CAV3: variants seen among roughly 807,000 people sequenced by gnomAD.
CAV3 encodes the protein caveolin 3.
Under a neutral mutation model 13.4 loss-of-function variants are expected in CAV3, and 10 were observed. The ratio of observed to expected loss-of-function variants is 0.75; its 90% CI spans 0.46 to 1.27. CAV3 has a LOEUF of 1.27. CAV3 is among the 50% of genes most tolerant of loss of function. The pLI is 0.00. For synonymous variants in CAV3, 90 were observed against 79.0 expected (o/e 1.14, Z -0.74); for missense variants, 162 against 194.0 (o/e 0.83, Z 0.98).
chr3:8,733,983 T>C lies in CAV3; in HGVS notation c.107T>C (p.Ile36Thr). The C allele has an allele frequency of 6.3e-7, 1 of 1,589,244 alleles. No homozygotes were observed. ...NRDPKNINEDIVKVDFEDVIA... is the reference protein window; with the variant it reads ...NRDPKNINEDTVKVDFEDVIA... Reference sequence around the variant, plus strand: ...GACCCCAAGAACATTAACGAGGACATAGTCAAGGTAGGCTCTGCAGGCCTG... The same window carrying C: ...GACCCCAAGAACATTAACGAGGACACAGTCAAGGTAGGCTCTGCAGGCCTG... Residue 36 changes from isoleucine (I) to threonine (T), a missense_variant, in exon 1 of 2, where the codon ATA becomes ACA. Transcript: ENST00000343849.
rs775458945 is a variant in CAV3, at chr3:8,745,663, G to A, written c.252G>A (p.Leu84=). 1.2e-6 allele frequency: 2 copies of A among 1,614,126 alleles called. No homozygotes were observed. Among genetic ancestry groups the A allele is most frequent in the South Asian group, 2.2e-5 (2 of 91,070 alleles). The part of the protein sequence containing the change: ...RLLSTLLGVP[L]ALLWGFLFAC... Reference sequence around the variant, plus strand: ...TGTCCACGCTGCTGGGCGTCCCACTGGCCCTGCTCTGGGGCTTCCTGTTCG... The same window carrying A: ...TGTCCACGCTGCTGGGCGTCCCACTAGCCCTGCTCTGGGGCTTCCTGTTCG... Residue 84 remains leucine, a synonymous_variant, in exon 2 of 2, where the codon CTG becomes CTA. Coordinates refer to ENST00000343849, the MANE Select transcript of CAV3 (RefSeq NM_033337.3). The surrounding 1 kb of genome is among the most constrained non-coding windows in gnomAD (Gnocchi z 4.8).
At position 8,733,884 on chromosome 3, in the gene CAV3, C is replaced by T; in HGVS notation, c.8C>T (p.Ala3Val). Residue 3 changes from alanine to valine, a missense_variant, in exon 1 of 2, where the codon GCA becomes GTA. Coordinates refer to ENST00000343849, the MANE Select transcript of CAV3 (RefSeq NM_033337.3). The part of the protein sequence containing the change: MM[A>V]EEHTDLEAQI... ...GATCCCCCCAGCTCTGCGATGATGG[C>T]AGAAGAGCACACAGATCTCGAGGCC... 6.2e-7 allele frequency: 1 copy of T among 1,605,732 alleles called. No individual in the cohort carries two copies. Among genetic ancestry groups the T allele is most frequent in the Non-Finnish European group, 8.5e-7 (1 of 1,172,402 alleles).
chr3:8,742,952 G>A (rs1256850374), intron 1 of CAV3, among the ~76,000 whole-genome samples: 1 of 152,186 alleles, frequency 6.6e-6, no homozygotes, highest in African/African-American at 2.4e-5. Context: ...CATGGTGCAG[G>A]CATCTGCAGC....
intron 1 of CAV3, among the ~76,000 whole-genome samples, chr3:8,741,819 A>G (rs237880): frequency 0.36 from 55,135 of 151,842 alleles, 10,413 homozygotes; most frequent in African/African-American, 0.49. Context: ...CTGCTATCCT[A>G]CACCTTCCCC....
At chr3:8,738,793 G>A (rs553020571) in intron 1 of CAV3, among the ~76,000 whole-genome samples, 228 of 152,324 alleles carry the variant, frequency 1.5e-3, no homozygotes, top group African/African-American at 5.2e-3. Context: ...CAGTGTTCAT[G>A]GCAGACATGA....
intron 1 of CAV3, among the ~76,000 whole-genome samples, chr3:8,743,443 CT>C (rs1708044322): frequency 6.6e-6 from 1 of 152,138 alleles, no homozygotes; most frequent in African/African-American, 2.4e-5. Flanking sequence ...AAGTAACATC[CT>C]TCCTGAGAAG....
rs868638613 is a variant in CAV3, at chr3:8,745,716, C to T, written c.305C>T (p.Ala102Val). ...FACISFCHIW[A>V]VVPCIKSYLI... ...TGCATCTCCTTCTGCCACATCTGGG[C>T]GGTGGTGCCATGCATTAAGAGCTAC... Residue 102 changes from alanine to valine, a missense_variant, in exon 2 of 2, where the codon GCG becomes GTG. Ala to Val is a moderately conservative substitution (Grantham distance 64, BLOSUM62 0). Coordinates refer to ENST00000343849, the MANE Select transcript of CAV3 (RefSeq NM_033337.3). This position sits in a 1 kb window ranked among gnomAD's most constrained non-coding sequence, Gnocchi z 4.8. 9.3e-6 allele frequency: 15 copies of T among 1,614,026 alleles called. No individual in the cohort carries two copies. Among genetic ancestry groups the T allele is most frequent in the Middle Eastern group, 1.6e-4 (1 of 6,084 alleles).
chr3:8,739,922 TG>T (rs1707899976), intron 1 of CAV3, among the ~76,000 whole-genome samples: 1 of 152,092 alleles, frequency 6.6e-6, no homozygotes, highest in Non-Finnish European at 1.5e-5. Context: ...TGCAATCACC[TG>T]GGGGCTCCAC....
At chr3:8,738,585 A>G (rs1707840428) in intron 1 of CAV3, among the ~76,000 whole-genome samples, 1 of 152,232 alleles carries the variant, frequency 6.6e-6, no homozygotes, top group African/African-American at 2.4e-5. Flanking sequence ...AATTACTTTC[A>G]TCTGGAAAAA....
intron 1 of CAV3, among the ~76,000 whole-genome samples, chr3:8,737,088 A>G (rs1369486064): frequency 6.6e-6 from 1 of 152,112 alleles, no homozygotes; most frequent in Non-Finnish European, 1.5e-5. Flanking sequence ...GATGGAGGAA[A>G]AGAGAGATGG....
intron 1 of CAV3, 109 bp downstream of exon 1, chr3:8,734,099 C>T (rs1003300652): frequency 5.6e-5 from 40 of 717,912 alleles, no homozygotes; most frequent in Non-Finnish European, 5.1e-5. Flanking sequence ...TGAAAAGAGA[C>T]TTGTTGCTCT....
intron 1 of CAV3, among the ~76,000 whole-genome samples, chr3:8,743,696 G>T (rs539634385): frequency 6.6e-6 from 1 of 152,258 alleles, no homozygotes; most frequent in Admixed American, 6.5e-5. Flanking sequence ...AGCACAGGGG[G>T]ATCAGGGACC....
intron 1 of CAV3, among the ~76,000 whole-genome samples, chr3:8,737,392 C>G (rs1414262309): frequency 1.3e-5 from 2 of 152,132 alleles, no homozygotes; most frequent in Non-Finnish European, 2.9e-5. Context: ...ACGGCCGTTT[C>G]ACATTTAAAA....
intron 1 of CAV3, among the ~76,000 whole-genome samples, chr3:8,737,232 C>G (rs563327117): frequency 1.3e-5 from 2 of 152,144 alleles, no homozygotes; most frequent in Non-Finnish European, 2.9e-5. Flanking sequence ...GCAGGTTTCT[C>G]ATGGGCTAGG....
chr3:8,743,649 C>T lies in CAV3; in HGVS notation c.115-1877C>T, dbSNP rs114993928. Among the ~76,000 whole-genome samples, 1,227 of 152,274 alleles carry T rather than the reference C, an allele frequency of 8.1e-3. 8 individuals carry two copies. The highest frequency in any genetic ancestry group is 0.027 in the Middle Eastern group (8 of 294). On this transcript the variant is annotated intron_variant, in intron 1 of 1. Coordinates refer to ENST00000343849, the MANE Select transcript of CAV3 (RefSeq NM_033337.3). ...TGTGCTGCCTGCTGACACACCACCC[C>T]GAGTGAGGCCTCATCCTCAGGGATC...
rs1491139587 is a variant in CAV3, at chr3:8,742,373, AAG to A, written c.115-3151_115-3150del. 1,564 of 320,814 alleles carry A rather than the reference AAG, an allele frequency of 4.9e-3. 4 individuals carry two copies. Among genetic ancestry groups the A allele is most frequent in the Middle Eastern group, 8.9e-3 (22 of 2,478 alleles). The allele number at this position is 320,814 out of a possible 1,614,324, so 19.9% of individuals were successfully genotyped here. On this transcript the variant is annotated intron_variant, in intron 1 of 1. Coordinates refer to ENST00000343849, the MANE Select transcript of CAV3 (RefSeq NM_033337.3). ...TTCTGCAAACACCAAAAAAAAAAAA[AAG>A]AAGAAGAAGAAGAAGAAAGATAATT...
At chr3:8,742,823 G>A (rs985021258) in intron 1 of CAV3, among the ~76,000 whole-genome samples, 3 of 152,212 alleles carry the variant, frequency 2.0e-5, no homozygotes, top group Admixed American at 2.0e-4. Flanking sequence ...AGATGAATGA[G>A]TGGATAGATG....
Position 8,746,102 on chromosome 3 carries a change from G to A in CAV3, c.*235G>A. 2.0e-6 allele frequency: 1 copy of A among 508,296 alleles called. No individual in the cohort carries two copies. The highest frequency in any genetic ancestry group is 3.5e-6 in the Non-Finnish European group (1 of 283,124). 31.5% of individuals were successfully genotyped at this position (508,296 alleles called of 1,614,324 possible). On this transcript the variant is annotated 3_prime_UTR_variant, in exon 2 of 2. Transcript: ENST00000343849. ...ATGATGCCCCCATGCCTGGGCGTGG[G>A]GGAAGATCATTTGCCAAGAGGCAGC...
chr3:8,736,183 T>C (rs1240799823), intron 1 of CAV3, among the ~76,000 whole-genome samples: 2 of 152,208 alleles, frequency 1.3e-5, no homozygotes, highest in Non-Finnish European at 2.9e-5. Flanking sequence ...TCAAATCCAG[T>C]CCATTTTACC....
Sources: allele counts gnomAD v4.1 joint callset (sites outside exome capture counted in the v4.1 genomes callset), GRCh38; gene constraint gnomAD v4.1.1; non-coding constraint Gnocchi (gnomAD v3.1); transcripts MANE v1.5; gene names NCBI Gene and HGNC (gene_info 2026-07-23, HGNC 2026-07-21).